EVC2: variants seen among roughly 807,000 people sequenced by gnomAD.
EVC2 encodes EvC ciliary complex subunit 2.
In EVC2, 148 loss-of-function variants were observed where a neutral mutation model predicts 149.3. The observed-to-expected ratio is 0.99, with a 90% confidence interval of 0.87 to 1.14. The LOEUF (loss-of-function observed/expected upper bound fraction) is 1.14. Ranked by LOEUF, EVC2 falls within the 50% of genes most tolerant of loss-of-function variation. The pLI, the probability that EVC2 is intolerant of heterozygous loss-of-function variation, is 0.00. For missense variants in EVC2, 1,854 were observed against 1,627.3 expected (o/e 1.14, Z -2.40); for synonymous variants, 776 against 649.9 (o/e 1.19, Z -2.95).
At chr4:5,692,891 GAA>G (rs55751791) in intron 3 of EVC2, among the ~76,000 whole-genome samples, 2 of 67,876 alleles carry the variant, frequency 2.9e-5, no homozygotes, top group African/African-American at 9.2e-5. Context: ...AAAAAAAAAA[GAA>G]AAAAGAAAAT....
At chr4:5,548,125 C>A (rs1417883381) in intron 21 of EVC2, among the ~76,000 whole-genome samples, 1 of 152,046 alleles carries the variant, frequency 6.6e-6, no homozygotes, top group Non-Finnish European at 1.5e-5. Context: ...ACACCCCTTG[C>A]CACTCCATGC....
chr4:5,641,713 G>T (rs1490238468), intron 9 of EVC2, among the ~76,000 whole-genome samples: 3 of 152,032 alleles, frequency 2.0e-5, no homozygotes, highest in Admixed American at 6.6e-5. Flanking sequence ...AATAAAAAAA[G>T]GATTCATTCA....
Position 5,689,160 on chromosome 4 carries a change from G to A in EVC2, c.703C>T (p.Gln235Ter). 2.5e-6 allele frequency: 4 copies of A among 1,614,064 alleles called. No homozygotes were observed. Among genetic ancestry groups the A allele is most frequent in the Non-Finnish European group, 3.4e-6 (4 of 1,180,020 alleles). Residue 235 changes from glutamine (Q) to a stop codon, truncating the protein, a stop_gained, in exon 5 of 22, where the codon CAA (glutamine) becomes TAA (stop). Transcript: ENST00000344408. LOFTEE classifies it high-confidence loss of function. ...CTTCAGAACGCTTTGCTGTTACCTTGCAGAAACTTCTTGCTAAAAGCCTGG... is the reference window on the plus strand; with the variant it reads ...CTTCAGAACGCTTTGCTGTTACCTTACAGAAACTTCTTGCTAAAAGCCTGG... Reference protein sequence around the residue: ...GFQAFSKKFLQVGDAFAVSYA... With the variant: ...GFQAFSKKFL
chr4:5,547,951 C>A (rs998073493), intron 21 of EVC2, among the ~76,000 whole-genome samples: 4 of 152,188 alleles, frequency 2.6e-5, no homozygotes, highest in African/African-American at 9.6e-5. Flanking sequence ...TGTGCCACCG[C>A]ATTCCCCAGT....
chr4:5,701,266 A>C (rs1370178309), intron 1 of EVC2, among the ~76,000 whole-genome samples: 1 of 152,172 alleles, frequency 6.6e-6, no homozygotes, highest in Admixed American at 6.5e-5. Flanking sequence ...CACTGGAACC[A>C]TCAGATAAAC....
At chr4:5,698,686 C>A (rs923744726) in intron 1 of EVC2, among the ~76,000 whole-genome samples, 1 of 152,208 alleles carries the variant, frequency 6.6e-6, no homozygotes, top group Non-Finnish European at 1.5e-5. Context: ...TATAGAAATG[C>A]ATGAAGCATT....
rs1712106292 is a variant in EVC2 at position 5,584,654 on chromosome 4, G to A, written c.3026C>T (p.Ala1009Val). 24 of 1,613,402 alleles carry A rather than the reference G, an allele frequency of 1.5e-5. No homozygotes were observed. Among genetic ancestry groups the A allele is most frequent in the Non-Finnish European group, 2.0e-5 (24 of 1,179,722 alleles). Residue 1009 changes from alanine to valine, a missense_variant, in exon 17 of 22, where the codon GCC (alanine) becomes GTC (valine). Physicochemically the swap from Ala to Val is moderately conservative, Grantham distance 64 (BLOSUM62 0). Transcript: ENST00000344408. ...GTGCGACTCCAGGATCTGTGTGCAG[G>A]CCGACTTGGTCAGCATCTCAGATGC... is the stretch of plus-strand genomic sequence containing the variant. ...LSASEMLTKS[A>V]CTQILESHSR...
chr4:5,566,752 C>T (rs2108768791), intron 20 of EVC2, among the ~76,000 whole-genome samples: 1 of 152,160 alleles, frequency 6.6e-6, no homozygotes, highest in South Asian at 2.1e-4. Context: ...TTGGCCTGTC[C>T]ATCTCTCCCC....
At chr4:5,533,556 A>G in the EVC2 span, among the ~76,000 whole-genome samples, 1 of 152,328 alleles carries the variant, frequency 6.6e-6, no homozygotes, top group African/African-American at 2.4e-5. Flanking sequence ...TCTGGTTTCC[A>G]TGTTCCAAGG....
intron 9 of EVC2, among the ~76,000 whole-genome samples, chr4:5,654,917 G>A (rs565898061): frequency 3.9e-5 from 6 of 152,244 alleles, no homozygotes; most frequent in South Asian, 2.1e-4. Context: ...CATGCTTCTC[G>A]GCACGAGTCC....
Position 5,584,778 on chromosome 4 carries a change from C to G in EVC2, c.2902G>C (p.Val968Leu), listed in dbSNP as rs764554479. 2.5e-6 allele frequency: 4 copies of G among 1,614,054 alleles called. No individual in the cohort carries two copies. The highest frequency in any genetic ancestry group is 3.4e-6 in the Non-Finnish European group (4 of 1,180,038). The change falls in exon 17 of 22, where the codon GTT becomes CTT. Residue 968 changes from valine to leucine, a missense_variant. By Grantham distance (32) the Val-to-Leu change is conservative. Coordinates refer to ENST00000344408, the MANE Select transcript of EVC2 (RefSeq NM_147127.5). ...GACGCCTTCTGGAACTGCAGAGCAA[C>G]AAGCGACTGTGCAAAGCCTCCCTCC... ...AQEGGFAQSL[V>L]ALQFQKASRV...
chr4:5,596,404 G>C (rs1264682530), intron 16 of EVC2, among the ~76,000 whole-genome samples: 1 of 152,104 alleles, frequency 6.6e-6, no homozygotes, highest in Non-Finnish European at 1.5e-5. Flanking sequence ...TAGAACTCAG[G>C]ATTAAGAAAT....
intron 16 of EVC2, among the ~76,000 whole-genome samples, chr4:5,588,205 C>T (rs1160328302): frequency 6.6e-6 from 1 of 152,166 alleles, no homozygotes; most frequent in African/African-American, 2.4e-5. Context: ...GTTTTGAAGA[C>T]ATTGCTCCAT....
chr4:5,561,051 C>T (rs892573642), downstream of EVC2, among the ~76,000 whole-genome samples: 1 of 152,200 alleles, frequency 6.6e-6, no homozygotes, highest in Non-Finnish European at 1.5e-5. Flanking sequence ...CCTGCTGTTG[C>T]TAACAGCCTC....
intron 9 of EVC2, among the ~76,000 whole-genome samples, chr4:5,642,163 T>G (rs750475740): frequency 6.6e-6 from 1 of 152,252 alleles, no homozygotes; most frequent in Non-Finnish European, 1.5e-5. Flanking sequence ...AATGCCACAT[T>G]TTCTTTATCC....
chr4:5,644,675 T>G (rs1360491330), intron 9 of EVC2, among the ~76,000 whole-genome samples: 2 of 152,218 alleles, frequency 1.3e-5, no homozygotes, highest in Non-Finnish European at 2.9e-5. Context: ...TTCCTTCGTC[T>G]AAACCTACCC....
At position 5,618,213 on chromosome 4, in the gene EVC2, A is replaced by G. The variant is rs28546301; in HGVS notation, c.2706+265T>C. Among the ~76,000 whole-genome samples, 18,572 of 152,180 alleles carry G rather than the reference A, an allele frequency of 0.12. 2,291 individuals carry two copies. Among genetic ancestry groups the G allele is most frequent in the African/African-American group, 0.32 (13,143 of 41,464 alleles). Reference sequence around the variant, plus strand: ...TTCCCTCAGGAGATTGTGGCTGCGCAAGGCTGACACAGCTGCTGGTGGATG... The same window carrying G: ...TTCCCTCAGGAGATTGTGGCTGCGCGAGGCTGACACAGCTGCTGGTGGATG... On this transcript the variant is annotated intron_variant, in intron 15 of 21. Coordinates refer to ENST00000344408, the MANE Select transcript of EVC2 (RefSeq NM_147127.5). This position sits in a 1 kb window ranked among gnomAD's most constrained non-coding sequence, Gnocchi z 4.4.
chr4:5,568,367 C>T, intron 20 of EVC2, 77 bp downstream of exon 20: 1 of 1,421,796 alleles, frequency 7.0e-7, no homozygotes, highest in African/African-American at 1.4e-5. Context: ...ACATGGGCCT[C>T]CCATGACCTT....
intron 11 of EVC2, among the ~76,000 whole-genome samples, chr4:5,630,611 T>A (rs1405724968): frequency 6.6e-6 from 1 of 152,084 alleles, no homozygotes; most frequent in East Asian, 1.9e-4. Context: ...GTCCACTACA[T>A]CAGAAAAAGC....
Sources: allele counts gnomAD v4.1 joint callset (sites outside exome capture counted in the v4.1 genomes callset), GRCh38; gene constraint gnomAD v4.1.1; non-coding constraint Gnocchi (gnomAD v3.1); transcripts MANE v1.5; gene names NCBI Gene and HGNC (gene_info 2026-07-23, HGNC 2026-07-21).